Variants in INPP4B observed in about 807,000 individuals in gnomAD.
The protein encoded by INPP4B is inositol polyphosphate-4-phosphatase type II B.
INPP4B carries 55 observed loss-of-function variants against 122.5 expected under a neutral mutation model. The observed-to-expected ratio is 0.45, with a 90% CI of 0.36 to 0.56. The LOEUF is 0.56. Ranked by LOEUF, INPP4B falls within the 20% of genes least tolerant of loss-of-function variation. INPP4B has a pLI of 0.00. For missense variants in INPP4B, 1,000 were observed against 1,097.7 expected, an observed-to-expected ratio of 0.91 and a Z score of 1.26; for synonymous variants, 403 against 388.7, an observed-to-expected ratio of 1.04 and a Z score of -0.43.
chr4:142,710,640 C>A (rs930519762), intron 2 of INPP4B, among the ~76,000 whole-genome samples: 13 of 152,178 alleles, frequency 8.5e-5, no homozygotes, highest in South Asian at 4.1e-4. Context: ...GTCTACCAAG[C>A]TTCATGAATG....
At chr4:142,295,835 C>T (rs897423974) in intron 9 of INPP4B, among the ~76,000 whole-genome samples, 9 of 151,572 alleles carry the variant, frequency 5.9e-5, no homozygotes, top group African/African-American at 2.2e-4. Context: ...CAAAGGGATA[C>T]CGGTTTTACA....
rs1435721782 is a variant in INPP4B, at chr4:142,124,740, A to G, written c.1741T>C (p.Tyr581His). ...HPREDWYEQL[Y>H]PLILTLKDCM... is the part of the protein sequence containing the mutation. ...TCCTTCAGGGTAAGGATGAGGGGATACAACTGTTCATACCAGTCCTCTGGG... is the reference window on the plus strand; with the variant it reads ...TCCTTCAGGGTAAGGATGAGGGGATGCAACTGTTCATACCAGTCCTCTGGG... Residue 581 changes from tyrosine to histidine, a missense_variant, in exon 19 of 26, where the codon TAT becomes CAT. By Grantham distance (83) the Tyr-to-His change is moderately conservative. Transcript: ENST00000262992. 2 of 1,588,572 alleles carry G rather than the reference A, an allele frequency of 1.3e-6. No homozygotes were observed. Among genetic ancestry groups the G allele is most frequent in the South Asian group, 2.3e-5 (2 of 88,614 alleles).
Position 142,815,503 on chromosome 4 carries a change from C to T in INPP4B, c.-254+30706G>A, listed in dbSNP as rs537913592. On this transcript the variant is annotated intron_variant, in intron 1 of 25. Coordinates refer to ENST00000262992, the MANE Select transcript of INPP4B (RefSeq NM_001101669.3). ...TTTAACTAAAGTTATACTAATATAA[C>T]TCTATTGTGCCACTCAGAGGTTTCC... 2.6e-5 allele frequency among the ~76,000 whole-genome samples: 4 copies of T among 152,166 alleles called. No individual in the cohort carries two copies. The East Asian group carries it at 7.7e-4, about 29-fold the overall frequency.
intron 3 of INPP4B, among the ~76,000 whole-genome samples, chr4:142,440,229 G>A (rs1811397629): frequency 6.6e-6 from 1 of 152,166 alleles, no homozygotes; most frequent in South Asian, 2.1e-4. Context: ...GTCTTAGTAG[G>A]AGGAAATCAA....
At chr4:142,192,544 A>T (rs552492355) in intron 15 of INPP4B, among the ~76,000 whole-genome samples, 2 of 152,258 alleles carry the variant, frequency 1.3e-5, no homozygotes, top group South Asian at 2.1e-4. Context: ...ATTTAAAAGC[A>T]TGTAAAAACA....
intron 7 of INPP4B, among the ~76,000 whole-genome samples, chr4:142,401,867 T>C (rs1476145716): frequency 6.6e-6 from 1 of 151,614 alleles, no homozygotes. Context: ...ACTTGAGTCT[T>C]TGTTCTGCAA....
intron 1 of INPP4B, among the ~76,000 whole-genome samples, chr4:142,835,308 A>C (rs1782646409): frequency 6.6e-6 from 1 of 152,170 alleles, no homozygotes; most frequent in Admixed American, 6.5e-5. Context: ...GAGATAAATA[A>C]GTCTCAGCTT....
chr4:142,729,268 T>G (rs537697348), intron 1 of INPP4B, among the ~76,000 whole-genome samples: 7 of 152,304 alleles, frequency 4.6e-5, no homozygotes, highest in African/African-American at 1.7e-4. Context: ...GACAGTTACC[T>G]GTCCACGGCT....
intron 2 of INPP4B, among the ~76,000 whole-genome samples, chr4:142,643,567 T>G (rs529468333): frequency 6.6e-6 from 1 of 152,238 alleles, no homozygotes; most frequent in South Asian, 2.1e-4. Context: ...GCTTTTTGTT[T>G]TATGAATTTT....
At chr4:142,138,965 T>C (rs895669658) in intron 18 of INPP4B, among the ~76,000 whole-genome samples, 1 of 152,196 alleles carries the variant, frequency 6.6e-6, no homozygotes, top group African/African-American at 2.4e-5. Flanking sequence ...TCTCTTTACA[T>C]TTTATCCAGT....
At position 142,347,009 on chromosome 4, in the gene INPP4B, T is replaced by C. The variant is rs190611690; in HGVS notation, c.373-32247A>G. Among the ~76,000 whole-genome samples the C allele has an allele frequency of 2.0e-3, 299 of 152,156 alleles. 3 individuals are homozygous for C. Among genetic ancestry groups the C allele is most frequent in the Middle Eastern group, 3.4e-3 (1 of 294 alleles). The stretch of plus-strand genomic sequence containing the variant: ...AATTTTCCATTTTGCTTTGAGTAGA[T>C]ATAGCCCAGTCCTTCCTTATAAGAA... On this transcript the variant is annotated intron_variant, in intron 7 of 25. Transcript: ENST00000262992.
chr4:142,507,334 C>CA (rs2149846287), intron 2 of INPP4B, among the ~76,000 whole-genome samples: 1 of 152,222 alleles, frequency 6.6e-6, no homozygotes, highest in African/African-American at 2.4e-5. Context: ...TGAAATCAGT[C>CA]AGAGACTCCA....
chr4:142,091,346 C>G (rs774955694), intron 23 of INPP4B, among the ~76,000 whole-genome samples: 1 of 152,172 alleles, frequency 6.6e-6, no homozygotes, highest in Non-Finnish European at 1.5e-5. Flanking sequence ...CCCTCTGTCC[C>G]TATTTCCTCA....
At chr4:142,463,370 C>G (rs1342039714) in intron 2 of INPP4B, among the ~76,000 whole-genome samples, 1 of 152,080 alleles carries the variant, frequency 6.6e-6, no homozygotes, top group Non-Finnish European at 1.5e-5. Flanking sequence ...AAAGCTTGGC[C>G]GAGTTTCCCT....
chr4:142,247,362 G>A (rs1442499475), intron 11 of INPP4B, among the ~76,000 whole-genome samples: 1 of 152,154 alleles, frequency 6.6e-6, no homozygotes, highest in Non-Finnish European at 1.5e-5. Flanking sequence ...CGTTTCAGAA[G>A]GAATGGTATC....
intron 1 of INPP4B, among the ~76,000 whole-genome samples, chr4:142,841,239 C>T (rs1783447666): frequency 6.6e-6 from 1 of 151,986 alleles, no homozygotes; most frequent in Admixed American, 6.6e-5. Context: ...ACCATAATCT[C>T]CATGCACCTA....
In INPP4B at chr4:142,023,748, G is replaced by T. The variant is rs1163810886; in HGVS notation, c.*5034C>A. ...AAAGGGCAACATTTTTCTTCCTAAA[G>T]AACTGTATTTACTAAAATATATTTT... On this transcript the variant is annotated 3_prime_UTR_variant, in exon 26 of 26. Transcript: ENST00000262992. The T allele has an allele frequency of 6.6e-6, 1 of 152,020 alleles. No individual in the cohort carries two copies. The highest frequency in any genetic ancestry group is 1.5e-5 in the Non-Finnish European group (1 of 67,978). The allele number at this position is 152,020 out of a possible 1,614,324, so 9.4% of individuals were successfully genotyped here.
intron 2 of INPP4B, among the ~76,000 whole-genome samples, chr4:142,498,454 C>A (rs1420600561): frequency 1.3e-5 from 2 of 151,938 alleles, no homozygotes; most frequent in Non-Finnish European, 2.9e-5. Context: ...AGTCAACTGT[C>A]ATTACAAAGA....
chr4:142,152,652 G>T (rs1442754180), intron 17 of INPP4B, among the ~76,000 whole-genome samples: 1 of 151,984 alleles, frequency 6.6e-6, no homozygotes. Flanking sequence ...AGAGTGCAGT[G>T]GGGTGATCAT....
Sources: allele counts gnomAD v4.1 joint callset (sites outside exome capture counted in the v4.1 genomes callset), GRCh38; gene constraint gnomAD v4.1.1; transcripts MANE v1.5; gene names NCBI Gene and HGNC (gene_info 2026-07-23, HGNC 2026-07-21).